The following VPS13D variants were observed in gnomAD, a reference collection of about 807,000 sequenced individuals.
VPS13D encodes intermembrane lipid transfer protein VPS13D.
In VPS13D, 187 loss-of-function variants were observed where a neutral mutation model predicts 461.9. The observed-to-expected ratio is 0.40, with a 90% confidence interval of 0.36 to 0.46. The LOEUF (loss-of-function observed/expected upper bound fraction) is 0.46, where lower values mean the gene tolerates loss of function less well. Ranked by LOEUF, VPS13D falls within the 20% of genes least tolerant of loss-of-function variation. The probability of loss-of-function intolerance (pLI) is 0.60; values close to 1 mark genes in which losing one functional copy is unlikely to be tolerated. For synonymous variants in VPS13D, 1,951 were observed against 1,986.3 expected, an observed-to-expected ratio of 0.98 and a Z score of 0.47; for missense variants, 4,711 against 5,364.9, an observed-to-expected ratio of 0.88 and a Z score of 3.81.
chr1:12,249,371 G>A, intron 6 of VPS13D, 32 bp downstream of exon 6: 1 of 1,561,790 alleles, frequency 6.4e-7, no homozygotes, highest in Non-Finnish European at 8.8e-7. Context: ...AAAGCAGGAA[G>A]AAAGCCATGC....
At chr1:12,272,881 T>G (rs1290052149) in intron 17 of VPS13D, 122 bp from the exon 18 acceptor site, 4 of 1,371,068 alleles carry the variant, frequency 2.9e-6, no homozygotes, top group Non-Finnish European at 9.8e-7. Context: ...CTTTTTGCTG[T>G]AATACATTAG....
At chr1:12,440,402 G>A (rs1296393647) in intron 65 of VPS13D, among the ~76,000 whole-genome samples, 2 of 152,222 alleles carry the variant, frequency 1.3e-5, no homozygotes, top group Non-Finnish European at 2.9e-5. Flanking sequence ...GAATGCGAGG[G>A]AAAGCTAAAG....
intron 36 of VPS13D, among the ~76,000 whole-genome samples, chr1:12,328,415 G>C (rs1057232933): frequency 2.0e-5 from 3 of 148,416 alleles, no homozygotes; most frequent in African/African-American, 7.4e-5. Context: ...GCCCAAGGTT[G>C]GTCTCAAACG....
At position 12,327,570 on chromosome 1, in the gene VPS13D, A is replaced by T. The variant is rs1643223804; in HGVS notation, c.7991-78A>T. 3.0e-6 allele frequency: 4 copies of T among 1,344,744 alleles called. No individual in the cohort carries two copies. The African/African-American group carries it at 6.2e-5, about 21-fold the overall frequency. The allele number at this position is 1,344,744 out of a possible 1,614,324, so 83.3% of individuals were successfully genotyped here. A position where few individuals can be genotyped will look rare whatever the true frequency, so the allele number is the denominator to read the frequency against. On this transcript the variant is annotated intron_variant, in intron 35 of 69. Coordinates refer to ENST00000620676, the MANE Select transcript of VPS13D (RefSeq NM_015378.4). Reference sequence around the variant, plus strand: ...TCCCAGTAGGTCTCTAGAGAATTTTATTTCTCTGTTTCCTCTGTGAGTGGC... The same window carrying T: ...TCCCAGTAGGTCTCTAGAGAATTTTTTTTCTCTGTTTCCTCTGTGAGTGGC...
chr1:12,433,258 G>GAA (rs530607755), intron 65 of VPS13D, among the ~76,000 whole-genome samples: 2,770 of 141,052 alleles, frequency 0.02, 102 homozygotes, highest in Admixed American at 0.1. Context: ...AACGCTTGGG[G>GAA]AAAAAAAAAA....
intron 24 of VPS13D, 51 bp downstream of exon 24, chr1:12,293,755 G>A: frequency 1.3e-6 from 2 of 1,565,290 alleles, no homozygotes; most frequent in Non-Finnish European, 1.7e-6. Context: ...CTGATCAGTA[G>A]AACTTTTAGG....
chr1:12,492,294 A>G (rs1645893547), intron 67 of VPS13D, among the ~76,000 whole-genome samples: 1 of 152,252 alleles, frequency 6.6e-6, no homozygotes, highest in Non-Finnish European at 1.5e-5. Context: ...GCTGTAGGCT[A>G]TAGGCTGAAA....
chr1:12,304,544 A>C lies in VPS13D; in HGVS notation c.6255A>C (p.Lys2085Asn), dbSNP rs1196669437. ...VPSASPTGIPKHSLRKTTSTE... is the reference protein window; with the variant it reads ...VPSASPTGIPNHSLRKTTSTE... ...CAGCTTCCCCAACGGGTATTCCCAA[A>C]CACAGTCTGAGGAAAACGACAAGCA... is the stretch of plus-strand genomic sequence containing the variant. Residue 2085 changes from lysine (K) to asparagine (N), a missense_variant, in exon 26 of 70, where the codon AAA becomes AAC. Transcript: ENST00000620676. 2 of 1,614,090 alleles carry C rather than the reference A, an allele frequency of 1.2e-6. No individual in the cohort carries two copies. Among genetic ancestry groups the C allele is most frequent in the Admixed American group, 3.3e-5 (2 of 60,014 alleles).
intron 67 of VPS13D, among the ~76,000 whole-genome samples, chr1:12,466,043 G>T (rs924396642): frequency 6.6e-6 from 1 of 152,042 alleles, no homozygotes; most frequent in African/African-American, 2.4e-5. Context: ...GCTGAGGCAG[G>T]AGAATTGCTT....
intron 49 of VPS13D, among the ~76,000 whole-genome samples, chr1:12,357,781 G>T (rs193166090): frequency 1.3e-5 from 2 of 152,106 alleles, no homozygotes; most frequent in East Asian, 3.9e-4. Context: ...AGACCGAGGC[G>T]TATCCCAAGG....
At chr1:12,253,881 A>G (rs1156326680) in intron 7 of VPS13D, 55 bp downstream of exon 7, 3 of 1,427,580 alleles carry the variant, frequency 2.1e-6, no homozygotes, top group African/African-American at 1.4e-5. Context: ...GAAGCGGCGT[A>G]GGGTCACTGC....
At chr1:12,356,661 A>C in intron 49 of VPS13D, 137 bp downstream of exon 49, 1 of 1,137,946 alleles carries the variant, frequency 8.8e-7, no homozygotes, top group East Asian at 2.8e-5. Context: ...TAGAACCATG[A>C]CCTAATGGGA....
Position 12,279,687 on chromosome 1 carries a change from A to C in VPS13D, c.4602+37A>C. On this transcript the variant is annotated intron_variant, in intron 20 of 69. Transcript: ENST00000620676. This position sits in a 1 kb window ranked among gnomAD's most constrained non-coding sequence, Gnocchi z 4.3. ...TCAGGGCAGTTGAAGTCATATGTTT[A>C]TATTAGTACTCTATAAATATGATAT... The C allele has an allele frequency of 6.5e-7, 1 of 1,540,348 alleles. No individual in the cohort carries two copies. Among genetic ancestry groups the C allele is most frequent in the Non-Finnish European group, 8.8e-7 (1 of 1,134,726 alleles).
intron 60 of VPS13D, among the ~76,000 whole-genome samples, chr1:12,394,197 C>G (rs2101669325): frequency 6.6e-6 from 1 of 152,234 alleles, no homozygotes; most frequent in Non-Finnish European, 1.5e-5. Flanking sequence ...TAAACTGGCT[C>G]AAGTCTAGAA....
At chr1:12,442,765 T>A (rs2100347697) in intron 65 of VPS13D, among the ~76,000 whole-genome samples, 1 of 152,168 alleles carries the variant, frequency 6.6e-6, no homozygotes, top group South Asian at 2.1e-4. Context: ...GCCCAGCTAA[T>A]TTTTATAGAG....
At chr1:12,288,347 C>T (rs1642031637) in intron 22 of VPS13D, 34 bp downstream of exon 22, 2 of 1,578,154 alleles carry the variant, frequency 1.3e-6, no homozygotes, top group Middle Eastern at 1.7e-4. Context: ...AGCAAACTTG[C>T]AAAATCTGGT....
chr1:12,268,159 A>G (rs528979969), intron 15 of VPS13D, among the ~76,000 whole-genome samples: 1 of 149,934 alleles, frequency 6.7e-6, no homozygotes, highest in East Asian at 2.0e-4. Context: ...TTTGTTGTCC[A>G]GGCTGGTCTT....
intron 65 of VPS13D, among the ~76,000 whole-genome samples, chr1:12,452,810 C>T (rs1645279408): frequency 6.6e-6 from 1 of 152,234 alleles, no homozygotes; most frequent in African/African-American, 2.4e-5. Context: ...TCAACATCTA[C>T]TCAAGTTTTC....
At chr1:12,329,804 G>C in intron 36 of VPS13D, 25 bp from the exon 37 acceptor site, 1 of 1,608,684 alleles carries the variant, frequency 6.2e-7, no homozygotes, top group Non-Finnish European at 8.5e-7. Context: ...CCCTGCCGCT[G>C]CAGTAAGGTT....
Sources: gnomAD v4.1 joint callset for allele counts (sites outside exome capture counted in the v4.1 genomes callset) on GRCh38, gnomAD v4.1.1 for gene constraint, Gnocchi (gnomAD v3.1) non-coding constraint, MANE v1.5 for transcripts, NCBI Gene and HGNC (gene_info 2026-07-23, HGNC 2026-07-21) for gene names.